The following SMYD3 variants were observed in gnomAD, a reference collection of about 807,000 sequenced individuals.
The protein encoded by SMYD3 is SET and MYND domain containing 3, also known as histone-lysine N-methyltransferase SMYD3.
Under a neutral mutation model 57.7 loss-of-function variants are expected in SMYD3, and 36 were observed. That is an observed-to-expected ratio of 0.62 (90% CI 0.48 to 0.82). The LOEUF (loss-of-function observed/expected upper bound fraction) is 0.82, where lower values mean the gene tolerates loss of function less well. Ranked by LOEUF, SMYD3 falls within the 40% of genes least tolerant of loss-of-function variation. The pLI, the probability that SMYD3 is intolerant of heterozygous loss-of-function variation, is 0.00. For synonymous variants in SMYD3, 211 were observed against 195.0 expected (o/e 1.08, Z -0.68); for missense variants, 515 against 538.8 (o/e 0.96, Z 0.44).
At chr1:245,798,682 T>C (rs2047708173) in intron 10 of SMYD3, among the ~76,000 whole-genome samples, 1 of 152,076 alleles carries the variant, frequency 6.6e-6, no homozygotes, top group African/African-American at 2.4e-5. Flanking sequence ...CAGCTACCCC[T>C]CCGCTACCAC....
At chr1:246,037,947 A>G (rs918276450) in intron 5 of SMYD3, among the ~76,000 whole-genome samples, 1 of 152,212 alleles carries the variant, frequency 6.6e-6, no homozygotes, top group African/African-American at 2.4e-5. Context: ...GTGGACCATA[A>G]GGTCCCTGTT....
At chr1:246,350,834 T>C (rs539893773) in intron 2 of SMYD3, among the ~76,000 whole-genome samples, 2 of 152,284 alleles carry the variant, frequency 1.3e-5, no homozygotes, top group Non-Finnish European at 2.9e-5. Context: ...AACTTCCGGC[T>C]CCAGACACCT....
At chr1:246,450,938 T>A (rs72760817) in intron 1 of SMYD3, among the ~76,000 whole-genome samples, 1 of 152,144 alleles carries the variant, frequency 6.6e-6, no homozygotes, top group East Asian at 1.9e-4. Flanking sequence ...TCAGTGTACA[T>A]GACTCTACCA....
chr1:246,441,859 G>GCCTC (rs2067476369), intron 1 of SMYD3, among the ~76,000 whole-genome samples: 1 of 152,192 alleles, frequency 6.6e-6, no homozygotes, highest in African/African-American at 2.4e-5. Flanking sequence ...TGATCCTCCC[G>GCCTC]CCTCGGGCCC....
intron 10 of SMYD3, among the ~76,000 whole-genome samples, chr1:245,816,140 A>C (rs1286852023): frequency 1.3e-5 from 2 of 152,206 alleles, no homozygotes; most frequent in Non-Finnish European, 2.9e-5. Flanking sequence ...ATAATAAATA[A>C]AGAAGCTCCT....
chr1:245,854,837 A>G (rs1334954748), intron 10 of SMYD3, among the ~76,000 whole-genome samples: 1 of 152,216 alleles, frequency 6.6e-6, no homozygotes, highest in Non-Finnish European at 1.5e-5. Context: ...AAAGCAGAAT[A>G]AAAGGAATGG....
chr1:246,191,350 T>C (rs562425523), intron 5 of SMYD3, among the ~76,000 whole-genome samples: 24 of 152,156 alleles, frequency 1.6e-4, no homozygotes, highest in Admixed American at 3.9e-4. Flanking sequence ...GCCAGAAGAC[T>C]AGGCTGGTGG....
intron 1 of SMYD3, among the ~76,000 whole-genome samples, chr1:246,400,513 G>A (rs6700001): frequency 0.079 from 11,968 of 152,184 alleles, 550 homozygotes; most frequent in Middle Eastern, 0.2. Flanking sequence ...TGGGATTACC[G>A]GCACATGCCA....
intron 11 of SMYD3, among the ~76,000 whole-genome samples, chr1:245,750,300 ACTGGTCAG>A (rs1476329339): frequency 1.3e-5 from 2 of 152,184 alleles, no homozygotes; most frequent in Non-Finnish European, 2.9e-5. Context: ...TGTGTTGTTT[ACTGGTCAG>A]TATGTTTGCT....
chr1:246,106,314 T>TC (rs1473940628), intron 5 of SMYD3, among the ~76,000 whole-genome samples: 1 of 152,218 alleles, frequency 6.6e-6, no homozygotes, highest in Non-Finnish European at 1.5e-5. Flanking sequence ...CAACAAAATG[T>TC]CTCATTTAAG....
chr1:246,266,828 GA>G (rs1315272049), intron 5 of SMYD3, among the ~76,000 whole-genome samples: 2 of 151,760 alleles, frequency 1.3e-5, no homozygotes, highest in African/African-American at 2.4e-5. Context: ...GATAGAGAGA[GA>G]AAGAAAGTAA....
At chr1:246,340,391 T>C (rs1192738281) in intron 2 of SMYD3, among the ~76,000 whole-genome samples, 1 of 151,974 alleles carries the variant, frequency 6.6e-6, no homozygotes, top group Non-Finnish European at 1.5e-5. Flanking sequence ...AAATAACTTT[T>C]GAATATTTCA....
intron 1 of SMYD3, among the ~76,000 whole-genome samples, chr1:246,363,355 G>T (rs1474132237): frequency 1.3e-5 from 2 of 151,394 alleles, no homozygotes; most frequent in African/African-American, 2.4e-5. Flanking sequence ...GGGCGCCTCT[G>T]CCCGGCCGCC....
chr1:246,289,286 T>G (rs1369336924), intron 5 of SMYD3, among the ~76,000 whole-genome samples: 1 of 152,218 alleles, frequency 6.6e-6, no homozygotes, highest in East Asian at 1.9e-4. Context: ...GCATTTGACT[T>G]TGTTACTTGC....
intron 2 of SMYD3, among the ~76,000 whole-genome samples, chr1:246,352,163 A>AAAAAC (rs2065841841): frequency 3.7e-5 from 5 of 136,868 alleles, no homozygotes; most frequent in South Asian, 4.7e-4. Context: ...AAAAAAAAAA[A>AAAAAC]CATAAAGAAA....
chr1:246,121,005 G>C (rs1003680515), intron 5 of SMYD3, among the ~76,000 whole-genome samples: 4 of 152,176 alleles, frequency 2.6e-5, no homozygotes, highest in African/African-American at 9.7e-5. Flanking sequence ...CGTTGCTACA[G>C]TGGGGATACA....
chr1:246,123,035 T>C (rs1409627341), intron 5 of SMYD3, among the ~76,000 whole-genome samples: 1 of 152,198 alleles, frequency 6.6e-6, no homozygotes, highest in Non-Finnish European at 1.5e-5. Context: ...AGAGAAAAAT[T>C]AAGAGGAGAT....
At chr1:245,838,467 T>G (rs987614871) in intron 10 of SMYD3, among the ~76,000 whole-genome samples, 5 of 152,232 alleles carry the variant, frequency 3.3e-5, no homozygotes, top group African/African-American at 1.2e-4. Context: ...GATGTGTGGC[T>G]TTGGGTGAGG....
chr1:245,824,515 G>A (rs896916022), intron 10 of SMYD3, among the ~76,000 whole-genome samples: 6 of 152,092 alleles, frequency 3.9e-5, no homozygotes, highest in African/African-American at 4.8e-5. Context: ...TCAGGAGTTC[G>A]AGACCAGCCT....
Sources: gnomAD v4.1 joint callset for allele counts (sites outside exome capture counted in the v4.1 genomes callset) on GRCh38, gnomAD v4.1.1 for gene constraint, MANE v1.5 for transcripts, NCBI Gene and HGNC (gene_info 2026-07-23, HGNC 2026-07-21) for gene names.